Variants in NELL2 observed in about 807,000 individuals in gnomAD.
NELL2 encodes the protein protein kinase C-binding protein NELL2.
Under a neutral mutation model 109.6 loss-of-function variants are expected in NELL2, and 41 were observed. The observed-to-expected ratio is 0.37, with a 90% CI of 0.29 to 0.49. NELL2 has a LOEUF of 0.49. NELL2 is among the 20% of genes least tolerant of loss of function. NELL2 has a pLI of 0.98. For synonymous variants in NELL2, 355 were observed against 344.7 expected (o/e 1.03, Z -0.33); for missense variants, 900 against 1,008.3 (o/e 0.89, Z 1.45).
intron 12 of NELL2, among the ~76,000 whole-genome samples, chr12:44,702,252 C>T (rs1381975536): frequency 3.3e-5 from 5 of 152,108 alleles, no homozygotes; most frequent in African/African-American, 1.2e-4. Context: ...TCTATAGTCA[C>T]CCACTAATTC....
intron 2 of NELL2, among the ~76,000 whole-genome samples, chr12:44,839,266 A>T (rs1715171465): frequency 6.6e-6 from 1 of 152,238 alleles, no homozygotes; most frequent in Non-Finnish European, 1.5e-5. Context: ...AAGAAAATTA[A>T]GGCATTATAG....
intron 3 of NELL2, among the ~76,000 whole-genome samples, chr12:44,781,712 G>A (rs928362269): frequency 6.6e-6 from 1 of 152,036 alleles, no homozygotes; most frequent in East Asian, 1.9e-4. Flanking sequence ...TTTCTCAGTA[G>A]AAACCATGGG....
intron 9 of NELL2, among the ~76,000 whole-genome samples, chr12:44,717,646 A>C (rs879491684): frequency 2.6e-5 from 4 of 152,206 alleles, no homozygotes; most frequent in Non-Finnish European, 2.9e-5. Context: ...CCTAAGGCTA[A>C]GGAACAAGGG....
At chr12:44,887,346 T>C (rs560060415) in intron 1 of NELL2, among the ~76,000 whole-genome samples, 3 of 151,992 alleles carry the variant, frequency 2.0e-5, no homozygotes, top group Non-Finnish European at 4.4e-5. Flanking sequence ...GAAGCCTCCA[T>C]ACTTTTCTCA....
At chr12:44,692,997 G>T (rs1948945638) in intron 12 of NELL2, among the ~76,000 whole-genome samples, 1 of 152,130 alleles carries the variant, frequency 6.6e-6, no homozygotes, top group African/African-American at 2.4e-5. Flanking sequence ...GGGTTTAAGA[G>T]AACTGATTAC....
intron 15 of NELL2, among the ~76,000 whole-genome samples, chr12:44,604,522 T>C (rs1945325333): frequency 6.6e-6 from 1 of 152,198 alleles, no homozygotes; most frequent in South Asian, 2.1e-4. Flanking sequence ...ATCACTCATG[T>C]GTGCATTTAT....
intron 3 of NELL2, among the ~76,000 whole-genome samples, chr12:44,811,300 A>C (rs2136674638): frequency 6.8e-6 from 1 of 146,066 alleles, no homozygotes; most frequent in South Asian, 2.2e-4. Flanking sequence ...TATGTAACAA[A>C]CCTACACGTT....
At chr12:44,771,346 T>TTTTTA (rs200038651) in intron 9 of NELL2, among the ~76,000 whole-genome samples, 1 of 143,882 alleles carries the variant, frequency 7.0e-6, no homozygotes, top group African/African-American at 2.5e-5. Context: ...ATGGTTTTTT[T>TTTTTA]AAAAAAAAAA....
At chr12:44,695,290 C>CA (rs34087124) in intron 12 of NELL2, among the ~76,000 whole-genome samples, 23,599 of 94,622 alleles carry the variant, frequency 0.25, 1,905 homozygotes, top group Middle Eastern at 0.32. Flanking sequence ...GACTCCGTCT[C>CA]AAAAAAAAAA....
At chr12:44,565,625 T>C (rs1452228857) in intron 15 of NELL2, among the ~76,000 whole-genome samples, 1 of 152,174 alleles carries the variant, frequency 6.6e-6, no homozygotes, top group Admixed American at 6.5e-5. Flanking sequence ...GAGAGTGTAC[T>C]AAAGTCAGAA....
intron 2 of NELL2, among the ~76,000 whole-genome samples, chr12:44,824,858 C>A (rs1411108670): frequency 4.6e-5 from 7 of 151,678 alleles, no homozygotes; most frequent in African/African-American, 1.7e-4. Context: ...CTACAGGCAC[C>A]CGCCACAACG....
At chr12:44,676,523 T>C (rs922038824) in intron 12 of NELL2, among the ~76,000 whole-genome samples, 2 of 152,146 alleles carry the variant, frequency 1.3e-5, no homozygotes, top group Non-Finnish European at 2.9e-5. Flanking sequence ...GAATGTATGA[T>C]TGAAGGATAA....
chr12:44,896,577 G>A (rs1945595210), intron 1 of NELL2, among the ~76,000 whole-genome samples: 1 of 152,132 alleles, frequency 6.6e-6, no homozygotes, highest in Non-Finnish European at 1.5e-5. Context: ...AGCTATACAT[G>A]TATACATATG....
chr12:44,918,511 GCA>G (rs1371945845), upstream of NELL2, among the ~76,000 whole-genome samples: 3 of 139,990 alleles, frequency 2.1e-5, no homozygotes, highest in East Asian at 6.4e-4. Flanking sequence ...GTTCATGCAT[GCA>G]TGTATGTGTG....
intron 15 of NELL2, among the ~76,000 whole-genome samples, chr12:44,559,718 A>G (rs1943397258): frequency 6.6e-6 from 1 of 152,188 alleles, no homozygotes; most frequent in Non-Finnish European, 1.5e-5. Flanking sequence ...AGACTCCCAC[A>G]CAATAATGGT....
intron 16 of NELL2, among the ~76,000 whole-genome samples, chr12:44,527,841 C>T (rs529778599): frequency 6.6e-6 from 1 of 152,092 alleles, no homozygotes; most frequent in African/African-American, 2.4e-5. Flanking sequence ...TGCCTGTAAT[C>T]CCAGCACTTT....
At chr12:44,691,662 G>A (rs552833797) in intron 12 of NELL2, among the ~76,000 whole-genome samples, 10 of 152,222 alleles carry the variant, frequency 6.6e-5, no homozygotes, top group African/African-American at 2.2e-4. Context: ...GCAAAGGAAG[G>A]AATATAAAAG....
At chr12:44,693,960 G>A (rs959923260) in intron 12 of NELL2, among the ~76,000 whole-genome samples, 14 of 152,038 alleles carry the variant, frequency 9.2e-5, no homozygotes, top group Non-Finnish European at 1.9e-4. Context: ...TTTCCACTTG[G>A]TTGAATGGAT....
chr12:44,661,148 C>A (rs867756474), intron 13 of NELL2, among the ~76,000 whole-genome samples: 59 of 152,288 alleles, frequency 3.9e-4, no homozygotes, highest in African/African-American at 1.3e-3. Flanking sequence ...CATACAACTT[C>A]CTAAATACAC....
Sources: gnomAD v4.1 joint callset for allele counts (sites outside exome capture counted in the v4.1 genomes callset) on GRCh38, gnomAD v4.1.1 for gene constraint, MANE v1.5 for transcripts, NCBI Gene and HGNC (gene_info 2026-07-23, HGNC 2026-07-21) for gene names.